TTC1: variants seen among roughly 807,000 people sequenced by gnomAD.
TTC1 encodes tetratricopeptide repeat domain 1, also known as tetratricopeptide repeat protein 1.
A neutral mutation model predicts 37.6 loss-of-function variants in TTC1; 31 were observed. The observed-to-expected ratio is 0.82, with a 90% CI of 0.62 to 1.11. The LOEUF (loss-of-function observed/expected upper bound fraction) is 1.11. TTC1 is among the 50% of genes most tolerant of loss of function. The pLI is 0.00. For synonymous variants in TTC1, 127 were observed against 122.4 expected (o/e 1.04, Z -0.25); for missense variants, 351 against 339.0 (o/e 1.04, Z -0.28).
chr5:160,038,272 A>G (rs1757029714), intron 4 of TTC1, among the ~76,000 whole-genome samples: 1 of 152,260 alleles, frequency 6.6e-6, no homozygotes, highest in South Asian at 2.1e-4. Flanking sequence ...CCCACCAGCA[A>G]TCAGAATTAA....
chr5:160,032,376 A>G (rs1367500582), intron 2 of TTC1, among the ~76,000 whole-genome samples: 2 of 152,200 alleles, frequency 1.3e-5, no homozygotes, highest in South Asian at 2.1e-4. Context: ...TGTTTCTTAA[A>G]TAACTGTTAA....
intron 6 of TTC1, among the ~76,000 whole-genome samples, chr5:160,050,096 C>T (rs1757362118): frequency 1.3e-5 from 2 of 151,956 alleles, no homozygotes; most frequent in Admixed American, 1.3e-4. Flanking sequence ...CTGCAGTGAG[C>T]TGTGACTACA....
At chr5:160,034,991 A>C in intron 2 of TTC1, 149 bp from the exon 3 acceptor site, 1 of 519,422 alleles carries the variant, frequency 1.9e-6, no homozygotes, top group Non-Finnish European at 3.2e-6. Flanking sequence ...TTTTTCCTCT[A>C]TCACTGTACA....
chr5:160,011,317 G>T (rs915099074), intron 2 of TTC1, among the ~76,000 whole-genome samples: 1 of 152,010 alleles, frequency 6.6e-6, no homozygotes, highest in Admixed American at 6.6e-5. Context: ...TGGGGTTTTG[G>T]TTGCAGAGGT....
At chr5:160,015,607 C>A (rs1756590328) in intron 2 of TTC1, among the ~76,000 whole-genome samples, 1 of 152,156 alleles carries the variant, frequency 6.6e-6, no homozygotes, top group Non-Finnish European at 1.5e-5. Flanking sequence ...CAGCTCTGCA[C>A]CCCTTCTCCC....
At chr5:160,045,520 A>ACACACACACTCTCTCTCT (rs1202139318) in intron 5 of TTC1, among the ~76,000 whole-genome samples, 1 of 54,880 alleles carries the variant, frequency 1.8e-5, no homozygotes, top group East Asian at 6.2e-4. Context: ...ACACATACAC[A>ACACACACACTCTCTCTCT]CTCTCTCTCT....
At chr5:160,043,963 T>C (rs1445361259) in intron 5 of TTC1, among the ~76,000 whole-genome samples, 1 of 152,192 alleles carries the variant, frequency 6.6e-6, no homozygotes, top group Non-Finnish European at 1.5e-5. Context: ...AGTTTTTTTG[T>C]GTTTTGGGGT....
chr5:160,034,868 T>C (rs974520963), intron 2 of TTC1, among the ~76,000 whole-genome samples: 10 of 152,212 alleles, frequency 6.6e-5, no homozygotes, highest in African/African-American at 2.4e-4. Context: ...GTAATTATCA[T>C]TCCATTGCAA....
chr5:160,029,563 G>A (rs755007137), intron 2 of TTC1, among the ~76,000 whole-genome samples: 1 of 151,670 alleles, frequency 6.6e-6, no homozygotes, highest in African/African-American at 2.4e-5. Flanking sequence ...TGGGAGGATT[G>A]CTTGAGCCCA....
intron 2 of TTC1, among the ~76,000 whole-genome samples, chr5:160,028,872 T>C (rs1756857343): frequency 6.6e-6 from 1 of 152,178 alleles, no homozygotes; most frequent in African/African-American, 2.4e-5. Context: ...ATAAATAATT[T>C]TTTTAATTTT....
At chr5:160,056,581 C>T (rs371434317) in intron 7 of TTC1, among the ~76,000 whole-genome samples, 8 of 152,074 alleles carry the variant, frequency 5.3e-5, no homozygotes, top group South Asian at 2.1e-4. Flanking sequence ...AAAATTAGCC[C>T]GGCATGTGGC....
intron 7 of TTC1, among the ~76,000 whole-genome samples, chr5:160,063,126 G>A (rs930631788): frequency 1.3e-5 from 2 of 152,206 alleles, no homozygotes; most frequent in Admixed American, 6.5e-5. Context: ...ATCCAAAGAT[G>A]GGTTGGCCTT....
At chr5:160,050,855 A>T (rs2113396429) in intron 6 of TTC1, among the ~76,000 whole-genome samples, 1 of 152,094 alleles carries the variant, frequency 6.6e-6, no homozygotes, top group South Asian at 2.1e-4. Flanking sequence ...CAAACTCCTG[A>T]GCTCAAGCGA....
chr5:160,033,430 G>C (rs2113366626), intron 2 of TTC1, among the ~76,000 whole-genome samples: 1 of 152,254 alleles, frequency 6.6e-6, no homozygotes, highest in Admixed American at 6.5e-5. Flanking sequence ...GTAATAATAA[G>C]ACATTTGGGA....
chr5:160,030,631 T>C (rs1756892926), intron 2 of TTC1, among the ~76,000 whole-genome samples: 1 of 152,206 alleles, frequency 6.6e-6, no homozygotes, highest in South Asian at 2.1e-4. Flanking sequence ...ATCAAGAGCA[T>C]TGGCTGTTTG....
intron 5 of TTC1, among the ~76,000 whole-genome samples, chr5:160,045,515 TACACA>T (rs1561634917): frequency 0.015 from 566 of 37,564 alleles, 18 homozygotes; most frequent in African/African-American, 0.034. Flanking sequence ...CACACACACA[TACACA>T]CTCTCTCTCT....
At chr5:160,019,107 A>G (rs78069117) in intron 2 of TTC1, among the ~76,000 whole-genome samples, 2,085 of 152,336 alleles carry the variant, frequency 0.014, 42 homozygotes, top group African/African-American at 0.046. Flanking sequence ...AGTCATTTCA[A>G]TGGGTTTGCT....
chr5:160,010,512 C>T lies in TTC1; in HGVS notation c.-17C>T. On this transcript the variant is annotated 5_prime_UTR_variant, in exon 2 of 8. Transcript: ENST00000231238. ...TGTTTTCCCCCAGCTTTAGCGTCAC[C>T]TCCCTCACTGGGCAGCATGGGGGAG... 3 of 1,602,868 alleles carry T rather than the reference C, an allele frequency of 1.9e-6. No individual in the cohort carries two copies. The highest frequency in any genetic ancestry group is 2.6e-6 in the Non-Finnish European group (3 of 1,171,984).
At chr5:160,015,272 G>A (rs1024338647) in intron 2 of TTC1, among the ~76,000 whole-genome samples, 4 of 152,110 alleles carry the variant, frequency 2.6e-5, no homozygotes, top group South Asian at 2.1e-4. Context: ...GCAGAGGTGC[G>A]ATCATAGTTC....
Sources: gnomAD v4.1 joint callset for allele counts (sites outside exome capture counted in the v4.1 genomes callset) on GRCh38, gnomAD v4.1.1 for gene constraint, MANE v1.5 for transcripts, NCBI Gene and HGNC (gene_info 2026-07-23, HGNC 2026-07-21) for gene names.